Variants in PLCB1 observed in about 807,000 individuals in gnomAD.
PLCB1 encodes phospholipase C beta 1, also known as 1-phosphatidylinositol 4,5-bisphosphate phosphodiesterase beta-1.
PLCB1 carries 46 observed loss-of-function variants against 161.8 expected under a neutral mutation model. That is an observed-to-expected ratio of 0.28 (90% CI 0.22 to 0.36). PLCB1 has a LOEUF of 0.36. PLCB1 is among the 10% of genes least tolerant of loss of function. The pLI is 1.00. For missense variants in PLCB1, 1,016 were observed against 1,472.5 expected (o/e 0.69, Z 5.07); for synonymous variants, 517 against 503.7 (o/e 1.03, Z -0.35).
At chr20:8,258,651 C>G (rs1045764418) in intron 2 of PLCB1, among the ~76,000 whole-genome samples, 5 of 152,106 alleles carry the variant, frequency 3.3e-5, no homozygotes, top group Non-Finnish European at 7.4e-5. Flanking sequence ...AGAGAAAATA[C>G]TTTGAATTTG....
intron 3 of PLCB1, among the ~76,000 whole-genome samples, chr20:8,534,746 G>A (rs927239085): frequency 1.4e-4 from 21 of 152,282 alleles, no homozygotes; most frequent in African/African-American, 5.1e-4. Flanking sequence ...CTTTGGAATT[G>A]AGGAAGGGAG....
At chr20:8,330,444 T>C (rs935820528) in intron 2 of PLCB1, among the ~76,000 whole-genome samples, 21 of 152,326 alleles carry the variant, frequency 1.4e-4, no homozygotes, top group Non-Finnish European at 1.8e-4. Context: ...ATTGATAAAA[T>C]GTGCTCCTTA....
chr20:8,276,926 TTTCTTCTTCTTCTTCTTC>T (rs752434070), intron 2 of PLCB1, among the ~76,000 whole-genome samples: 2,968 of 104,742 alleles, frequency 0.028, 44 homozygotes, highest in Middle Eastern at 0.045. Flanking sequence ...GTCTTCTTCT[TTTCTTCTTCTTCTTCTTC>T]TTCTTCTTCT....
intron 2 of PLCB1, among the ~76,000 whole-genome samples, chr20:8,221,786 C>A (rs1979424690): frequency 1.3e-5 from 2 of 152,130 alleles, no homozygotes; most frequent in Non-Finnish European, 2.9e-5. Flanking sequence ...AAAATTTACA[C>A]AGAGTTTCAA....
rs375529904 is a variant in PLCB1, at chr20:8,881,604, C to T, written c.3424-18C>T. 1.9e-6 allele frequency: 3 copies of T among 1,587,990 alleles called. No individual in the cohort carries two copies. The African/African-American group carries it at 4.0e-5, about 21-fold the overall frequency. On this transcript the variant is annotated intron_variant, in intron 31 of 31. Transcript: ENST00000338037. ...ACATAAACAACTTCAAGTCATCTCC[C>T]CTCTTGATGTCTCTCAGCTGCAGGT...
chr20:8,792,428 G>C (rs6056117), intron 31 of PLCB1, among the ~76,000 whole-genome samples: 49,871 of 152,046 alleles, frequency 0.33, 8,271 homozygotes, highest in Middle Eastern at 0.49. Flanking sequence ...AGAAATAGAG[G>C]GGAAATAGCA....
intron 3 of PLCB1, among the ~76,000 whole-genome samples, chr20:8,483,009 G>C (rs549583783): frequency 1.3e-5 from 2 of 151,970 alleles, no homozygotes; most frequent in South Asian, 4.2e-4. Flanking sequence ...TTCTCTCCAA[G>C]TGCCTGAAAT....
chr20:8,309,224 G>A (rs1377168097), intron 2 of PLCB1, among the ~76,000 whole-genome samples: 1 of 152,190 alleles, frequency 6.6e-6, no homozygotes, highest in African/African-American at 2.4e-5. Context: ...AAGGACTTCT[G>A]TGAACAAGGG....
At chr20:8,737,800 A>C (rs893489748) in intron 20 of PLCB1, among the ~76,000 whole-genome samples, 1 of 152,180 alleles carries the variant, frequency 6.6e-6, no homozygotes, top group African/African-American at 2.4e-5. Context: ...AATATCTACA[A>C]ATCCAGTCTT....
chr20:8,721,677 C>T (rs1223512787), intron 14 of PLCB1, among the ~76,000 whole-genome samples: 1 of 152,180 alleles, frequency 6.6e-6, no homozygotes. Flanking sequence ...GCATTTTCTA[C>T]GATATGCACT....
At chr20:8,622,122 C>A (rs565531312) in intron 3 of PLCB1, among the ~76,000 whole-genome samples, 2 of 151,866 alleles carry the variant, frequency 1.3e-5, no homozygotes, top group Non-Finnish European at 2.9e-5. Context: ...TGGTTGGTGG[C>A]GCGTGCCTGT....
chr20:8,821,532 TATATATATATATATATATATATATA>T (rs1985408085), intron 31 of PLCB1, among the ~76,000 whole-genome samples: 1 of 102,948 alleles, frequency 9.7e-6, no homozygotes, highest in African/African-American at 6.3e-5. Context: ...TATATATATA[TATATATATATATATATATATATATA>T]TTTAAATGAC....
chr20:8,732,601 A>G (rs1600283511), intron 18 of PLCB1, among the ~76,000 whole-genome samples: 1 of 145,036 alleles, frequency 6.9e-6, no homozygotes, highest in Non-Finnish European at 1.5e-5. Flanking sequence ...TAGATAGTGT[A>G]TCATATTAGA....
At chr20:8,554,265 A>G (rs1176448017) in intron 3 of PLCB1, among the ~76,000 whole-genome samples, 1 of 152,100 alleles carries the variant, frequency 6.6e-6, no homozygotes, top group Non-Finnish European at 1.5e-5. Context: ...TATTTACCCA[A>G]AAGAGATGAA....
chr20:8,185,593 T>C (rs560758994), intron 2 of PLCB1, among the ~76,000 whole-genome samples: 11 of 151,366 alleles, frequency 7.3e-5, no homozygotes, highest in African/African-American at 2.7e-4. Flanking sequence ...ACTTATTTTA[T>C]ATATATAAAC....
In PLCB1 at chr20:8,823,420, G is replaced by A. The variant is rs756299318; in HGVS notation, c.3423+33159G>A. ...TTACAGGCCTGAGCCATCATGCCCC[G>A]CCAGAGCCACCACCCCTGCCTGCAC... On this transcript the variant is annotated intron_variant, in intron 31 of 31. Transcript: ENST00000338037. 9.9e-5 allele frequency among the ~76,000 whole-genome samples: 15 copies of A among 152,142 alleles called. 1 individual carries two copies. The highest frequency in any genetic ancestry group is 4.1e-4 in the South Asian group (2 of 4,828).
chr20:8,831,069 A>G (rs1405461246), intron 31 of PLCB1: 1 of 152,180 alleles, frequency 6.6e-6, no homozygotes, highest in Non-Finnish European at 1.5e-5. Context: ...CTCAATACTT[A>G]TTTTAAAATC....
chr20:8,654,572 A>G (rs1451157599), intron 7 of PLCB1, among the ~76,000 whole-genome samples: 1 of 152,030 alleles, frequency 6.6e-6, no homozygotes, highest in Non-Finnish European at 1.5e-5. Flanking sequence ...AATAAAGGAA[A>G]AGCTGTGAAA....
At chr20:8,768,286 T>C (rs1184385695) in intron 26 of PLCB1, among the ~76,000 whole-genome samples, 2 of 152,168 alleles carry the variant, frequency 1.3e-5, no homozygotes, top group Non-Finnish European at 2.9e-5. Flanking sequence ...TGGTGGTTGC[T>C]GGCAATCTTT....
Sources: allele counts gnomAD v4.1 joint callset (sites outside exome capture counted in the v4.1 genomes callset), GRCh38; gene constraint gnomAD v4.1.1; transcripts MANE v1.5; gene names NCBI Gene and HGNC (gene_info 2026-07-23, HGNC 2026-07-21).